KCNMB2: variants seen among roughly 807,000 people sequenced by gnomAD.
KCNMB2 encodes calcium-activated potassium channel subunit beta-2.
A neutral mutation model predicts 24.5 loss-of-function variants in KCNMB2; 9 were observed. The observed-to-expected ratio is 0.37, with a 90% confidence interval of 0.22 to 0.64. KCNMB2 has a LOEUF of 0.64. Among genes scored for constraint, KCNMB2 ranks in the 30% least tolerant of loss-of-function variants. KCNMB2 has a pLI of 0.63. For synonymous variants in KCNMB2, 109 were observed against 104.4 expected (o/e 1.04, Z -0.27); for missense variants, 226 against 284.3 (o/e 0.79, Z 1.47).
intron 1 of KCNMB2, among the ~76,000 whole-genome samples, chr3:178,583,745 G>A (rs1247312667): frequency 1.3e-5 from 2 of 152,136 alleles, no homozygotes; most frequent in African/African-American, 2.4e-5. Flanking sequence ...GAGATGTTTT[G>A]AAGAAGAAAG....
chr3:178,728,961 A>G (rs1341500972), intron 1 of KCNMB2, among the ~76,000 whole-genome samples: 1 of 152,172 alleles, frequency 6.6e-6, no homozygotes, highest in Non-Finnish European at 1.5e-5. Flanking sequence ...GTTGATACAT[A>G]GCTCTACTTA....
chr3:178,682,304 C>A (rs1721297664), intron 1 of KCNMB2, among the ~76,000 whole-genome samples: 1 of 152,188 alleles, frequency 6.6e-6, no homozygotes, highest in Non-Finnish European at 1.5e-5. Flanking sequence ...GTGTGCCAGG[C>A]ACATAGTCAC....
At chr3:178,570,266 C>A (rs1360278768) in intron 1 of KCNMB2, among the ~76,000 whole-genome samples, 5 of 152,120 alleles carry the variant, frequency 3.3e-5, no homozygotes, top group Non-Finnish European at 7.4e-5. Flanking sequence ...GGAGACAAAT[C>A]ATAACCCTCT....
At chr3:178,806,413 G>A (rs570200175) in intron 1 of KCNMB2, among the ~76,000 whole-genome samples, 1 of 152,202 alleles carries the variant, frequency 6.6e-6, no homozygotes, top group South Asian at 2.1e-4. Context: ...GTATATAGTA[G>A]CTAATGTTAT....
chr3:178,565,975 A>C (rs991032221), intron 1 of KCNMB2, among the ~76,000 whole-genome samples: 2 of 152,236 alleles, frequency 1.3e-5, no homozygotes, highest in Non-Finnish European at 2.9e-5. Flanking sequence ...AGAATATTGA[A>C]GGTAGACAAA....
intron 1 of KCNMB2, among the ~76,000 whole-genome samples, chr3:178,650,260 C>G (rs1720062394): frequency 6.6e-6 from 1 of 151,982 alleles, no homozygotes; most frequent in Admixed American, 6.6e-5. Flanking sequence ...GTTTTGCTCC[C>G]AATTATGTGG....
intron 1 of KCNMB2, among the ~76,000 whole-genome samples, chr3:178,550,771 T>G (rs1715925550): frequency 6.6e-6 from 1 of 152,208 alleles, no homozygotes. Flanking sequence ...GGTGCCTCAG[T>G]TTCCTCCTCT....
At chr3:178,748,263 G>C (rs772319332) in intron 1 of KCNMB2, 1 of 152,184 alleles carries the variant, frequency 6.6e-6, no homozygotes, top group Non-Finnish European at 1.5e-5. Context: ...TTAGTCTACT[G>C]TAAAATAAGT....
At chr3:178,664,250 A>G (rs1720637891) in intron 1 of KCNMB2, among the ~76,000 whole-genome samples, 1 of 152,136 alleles carries the variant, frequency 6.6e-6, no homozygotes, top group African/African-American at 2.4e-5. Flanking sequence ...AATTTTAATA[A>G]AAGTAGAGAA....
intron 1 of KCNMB2, among the ~76,000 whole-genome samples, chr3:178,717,240 A>G (rs1722647138): frequency 6.6e-6 from 1 of 152,084 alleles, no homozygotes; most frequent in Non-Finnish European, 1.5e-5. Context: ...CCTGTTTCCA[A>G]AGTATGGACT....
intron 1 of KCNMB2, among the ~76,000 whole-genome samples, chr3:178,562,737 C>T (rs1269671789): frequency 3.9e-5 from 6 of 152,152 alleles, no homozygotes; most frequent in Admixed American, 3.9e-4. Context: ...AGCATGAAGG[C>T]CCTCCTCGAT....
At chr3:178,560,522 C>T (rs1271809478) in intron 1 of KCNMB2, among the ~76,000 whole-genome samples, 3 of 152,180 alleles carry the variant, frequency 2.0e-5, no homozygotes, top group African/African-American at 2.4e-5. Context: ...TGGGCAAATG[C>T]ACTCCACTGA....
At chr3:178,561,356 A>G (rs1348548682) in intron 1 of KCNMB2, among the ~76,000 whole-genome samples, 1 of 152,190 alleles carries the variant, frequency 6.6e-6, no homozygotes, top group Non-Finnish European at 1.5e-5. Context: ...TAAAAACAAA[A>G]CAATGCTGAG....
chr3:178,564,542 A>G (rs1716446937), intron 1 of KCNMB2, among the ~76,000 whole-genome samples: 1 of 152,208 alleles, frequency 6.6e-6, no homozygotes, highest in South Asian at 2.1e-4. Context: ...GATGGGAATA[A>G]AGATTTATCA....
chr3:178,784,378 C>T (rs1713010360), intron 1 of KCNMB2, among the ~76,000 whole-genome samples: 1 of 152,084 alleles, frequency 6.6e-6, no homozygotes, highest in African/African-American at 2.4e-5. Flanking sequence ...AGTCCATCTG[C>T]CTTTTTGATC....
intron 1 of KCNMB2, among the ~76,000 whole-genome samples, chr3:178,792,193 G>T (rs1713348507): frequency 1.3e-5 from 2 of 152,138 alleles, no homozygotes; most frequent in African/African-American, 4.8e-5. Flanking sequence ...ATCTTTTCAA[G>T]ACATAGTATA....
intron 1 of KCNMB2, among the ~76,000 whole-genome samples, chr3:178,598,121 G>A (rs975181233): frequency 7.3e-5 from 11 of 151,222 alleles, no homozygotes; most frequent in East Asian, 3.9e-4. Context: ...CAAAACTTGC[G>A]ACATAAGCTC....
chr3:178,785,511 A>G (rs113354235), intron 1 of KCNMB2, among the ~76,000 whole-genome samples: 1 of 152,062 alleles, frequency 6.6e-6, no homozygotes, highest in Non-Finnish European at 1.5e-5. Flanking sequence ...CAAAAATTAC[A>G]TATTGACCGA....
chr3:178,606,473 CTTTT>C (rs56897838), intron 1 of KCNMB2, among the ~76,000 whole-genome samples: 165 of 138,978 alleles, frequency 1.2e-3, no homozygotes, highest in African/African-American at 2.4e-3. Context: ...TTTCCTATTT[CTTTT>C]TTTTTTTTTT....
Sources: allele counts gnomAD v4.1 joint callset (sites outside exome capture counted in the v4.1 genomes callset), GRCh38; gene constraint gnomAD v4.1.1; transcripts MANE v1.5; gene names NCBI Gene and HGNC (gene_info 2026-07-23, HGNC 2026-07-21).